The following DAPP1 variants were observed in gnomAD, a reference collection of about 807,000 sequenced individuals.
DAPP1 encodes the protein dual adaptor of phosphotyrosine and 3-phosphoinositides 1.
In DAPP1, 20 loss-of-function variants were observed where a neutral mutation model predicts 41.5. The ratio of observed to expected loss-of-function variants is 0.48; its 90% CI spans 0.34 to 0.70. DAPP1 has a LOEUF of 0.70. Ranked by LOEUF, DAPP1 falls within the 30% of genes least tolerant of loss-of-function variation. DAPP1 has a pLI of 0.01. For synonymous variants in DAPP1, 113 were observed against 116.2 expected (o/e 0.97, Z 0.18); for missense variants, 233 against 333.4 (o/e 0.70, Z 2.35).
chr4:99,857,696 G>GTA lies in DAPP1; in HGVS notation c.490-3877_490-3876dup, dbSNP rs202164931. Among the ~76,000 whole-genome samples the GTA allele has an allele frequency of 4.2e-3, 544 of 129,162 alleles. 1 individual carries two copies. Among genetic ancestry groups the GTA allele is most frequent in the African/African-American group, 0.014 (478 of 33,366 alleles). 84.7% of individuals were successfully genotyped at this position (129,162 alleles called of 152,430 possible). On this transcript the variant is annotated intron_variant, in intron 4 of 8. Transcript: ENST00000512369. ...ACTTGAAAAAAAAAAGTATATGTAT[G>GTA]TATATACACACACACACACACACAC...
intron 3 of DAPP1, 64 bp downstream of exon 3, chr4:99,840,486 G>C (rs932999208): frequency 7.9e-6 from 12 of 1,518,436 alleles, no homozygotes; most frequent in Middle Eastern, 1.7e-4. Context: ...AGACAAGGCA[G>C]ATTTCAATTT....
chr4:99,859,753 C>T (rs1724172347), intron 4 of DAPP1, among the ~76,000 whole-genome samples: 3 of 152,216 alleles, frequency 2.0e-5, no homozygotes, highest in Admixed American at 2.0e-4. Context: ...TACAGATGTC[C>T]ACCTAGCCCA....
intron 7 of DAPP1, 114 bp from the exon 8 acceptor site, chr4:99,865,920 T>TATA (rs1553942194): frequency 4.0e-5 from 4 of 99,612 alleles, no homozygotes; most frequent in African/African-American, 1.7e-4. Context: ...TATATATATA[T>TATA]ATATAATATA....
intron 3 of DAPP1, among the ~76,000 whole-genome samples, chr4:99,848,978 G>A (rs1389060152): frequency 1.3e-5 from 2 of 152,190 alleles, no homozygotes; most frequent in Non-Finnish European, 2.9e-5. Flanking sequence ...ATGCCAAGAA[G>A]TCTGTATATT....
intron 1 of DAPP1, among the ~76,000 whole-genome samples, chr4:99,833,888 C>T (rs1027482974): frequency 1.9e-4 from 29 of 152,138 alleles, no homozygotes; most frequent in African/African-American, 7.0e-4. Context: ...CTTTAGTTGC[C>T]AGGCTTTATG....
chr4:99,833,710 G>A (rs1409392798), intron 1 of DAPP1, among the ~76,000 whole-genome samples: 2 of 152,194 alleles, frequency 1.3e-5, no homozygotes, highest in Non-Finnish European at 2.9e-5. Flanking sequence ...GTCCCTAGCA[G>A]TCAGCAACTG....
At chr4:99,861,489 C>A in intron 4 of DAPP1, 89 bp from the exon 5 acceptor site, 2 of 1,341,706 alleles carry the variant, frequency 1.5e-6, no homozygotes, top group Non-Finnish European at 2.1e-6. Context: ...CAAAAGCAAA[C>A]ATTCTTCATT....
intron 3 of DAPP1, among the ~76,000 whole-genome samples, chr4:99,852,767 G>A (rs1057007960): frequency 6.6e-6 from 1 of 152,174 alleles, no homozygotes; most frequent in Non-Finnish European, 1.5e-5. Context: ...CTCTACCCTA[G>A]TGCTTTTGTT....
chr4:99,861,740 C>A, intron 5 of DAPP1, 115 bp downstream of exon 5: 1 of 1,233,694 alleles, frequency 8.1e-7, no homozygotes, highest in Non-Finnish European at 1.2e-6. Flanking sequence ...CTCATTTTAA[C>A]CCATTTGTAA....
At chr4:99,842,538 G>C (rs186073119) in intron 3 of DAPP1, among the ~76,000 whole-genome samples, 1 of 152,230 alleles carries the variant, frequency 6.6e-6, no homozygotes, top group Admixed American at 6.5e-5. Flanking sequence ...AGCCATCAGG[G>C]CTAGGAACAA....
intron 4 of DAPP1, among the ~76,000 whole-genome samples, chr4:99,858,256 C>G (rs983195079): frequency 6.6e-6 from 1 of 152,242 alleles, no homozygotes; most frequent in African/African-American, 2.4e-5. Flanking sequence ...CTTTGGAACA[C>G]TTCCTCAGTT....
chr4:99,868,035 A>G, intron 8 of DAPP1, 82 bp from the exon 9 acceptor site: 1 of 1,194,074 alleles, frequency 8.4e-7, no homozygotes, highest in Middle Eastern at 1.9e-4. Flanking sequence ...ACTAATCAAC[A>G]TGTCTTATTT....
In DAPP1 at chr4:99,819,612, T is replaced by G. The variant is rs868048917; in HGVS notation, c.101+2598T>G. ...ATAGAATCTCTACCAAACCTTCTGA[T>G]TAATTTAGTTTCCAAAGACCTCCTT... On this transcript the variant is annotated intron_variant, in intron 1 of 8. Transcript: ENST00000512369. Among the ~76,000 whole-genome samples the G allele has an allele frequency of 2.4e-4, 37 of 152,296 alleles. No individual in the cohort carries two copies. In the Middle Eastern group the frequency reaches 0.01, roughly 42 times the overall value.
chr4:99,823,244 C>A (rs11097677), intron 1 of DAPP1, among the ~76,000 whole-genome samples: 62,488 of 151,800 alleles, frequency 0.41, 13,852 homozygotes, highest in African/African-American at 0.59. Flanking sequence ...GGTATTATTT[C>A]AATGCAGTAA....
chr4:99,839,402 CTATAGATATATA>C (rs1488029447), intron 2 of DAPP1, among the ~76,000 whole-genome samples: 38 of 147,746 alleles, frequency 2.6e-4, no homozygotes, highest in African/African-American at 6.4e-4. Context: ...GATTAGATAT[CTATAGATATATA>C]TATAGATATA....
chr4:99,852,593 A>G (rs11935615), intron 3 of DAPP1, among the ~76,000 whole-genome samples: 40,892 of 152,012 alleles, frequency 0.27, 5,991 homozygotes, highest in African/African-American at 0.38. Flanking sequence ...CAGCTTGTTC[A>G]GGTCATGTTC....
intron 1 of DAPP1, among the ~76,000 whole-genome samples, chr4:99,819,446 C>T (rs956051850): frequency 4.6e-5 from 7 of 152,188 alleles, no homozygotes; most frequent in Non-Finnish European, 8.8e-5. Flanking sequence ...CCAGTACTTG[C>T]TCCTGCAGCA....
chr4:99,827,532 C>CAAAAAAAAAAAA (rs1400029314), intron 1 of DAPP1, among the ~76,000 whole-genome samples: 28 of 118,926 alleles, frequency 2.4e-4, no homozygotes, highest in Non-Finnish European at 3.4e-4. Flanking sequence ...GACTACGTCT[C>CAAAAAAAAAAAA]AAAAAAAAAA....
At chr4:99,817,050 G>T (rs750557520) in intron 1 of DAPP1, 36 bp downstream of exon 1, 9 of 1,505,412 alleles carry the variant, frequency 6.0e-6, no homozygotes, top group Non-Finnish European at 7.3e-6. Context: ...GTACCTAGTG[G>T]GTGGACATTG....
Sources: gnomAD v4.1 joint callset for allele counts (sites outside exome capture counted in the v4.1 genomes callset) on GRCh38, gnomAD v4.1.1 for gene constraint, MANE v1.5 for transcripts, NCBI Gene and HGNC (gene_info 2026-07-23, HGNC 2026-07-21) for gene names.